The following CTDP1 variants were observed in gnomAD, a reference collection of about 807,000 sequenced individuals.
CTDP1 encodes the protein RNA polymerase II subunit A C-terminal domain phosphatase.
Under a neutral mutation model 91.8 loss-of-function variants are expected in CTDP1, and 47 were observed. The ratio of observed to expected loss-of-function variants is 0.51; its 90% CI spans 0.41 to 0.65. The LOEUF is 0.65. CTDP1 is among the 30% of genes least tolerant of loss of function. The pLI is 0.00. For synonymous variants in CTDP1, 656 were observed against 598.5 expected, an observed-to-expected ratio of 1.10 and a Z score of -1.40; for missense variants, 1,272 against 1,373.7, an observed-to-expected ratio of 0.93 and a Z score of 1.17.
intron 1 of CTDP1, among the ~76,000 whole-genome samples, chr18:79,684,232 T>C (rs1380500305): frequency 6.6e-6 from 1 of 152,232 alleles, no homozygotes; most frequent in Non-Finnish European, 1.5e-5. Context: ...GCAGCCAGCA[T>C]GCTCACAGTG....
At chr18:79,679,687 G>A (rs968451211), upstream of CTDP1, 2 of 531,460 alleles carry the variant, frequency 3.8e-6, no homozygotes, top group South Asian at 1.6e-5. Context: ...CTTCACGGCC[G>A]GCACGCAGGG....
chr18:79,690,231 G>A (rs769607103), intron 1 of CTDP1, among the ~76,000 whole-genome samples: 5 of 152,194 alleles, frequency 3.3e-5, no homozygotes, highest in Admixed American at 2.0e-4. Context: ...GGCCCAGCCC[G>A]TAGCCCTCTC....
rs935879942 is a variant in CTDP1 at position 79,714,472 on chromosome 18, C to T, written c.1031-19C>T. On this transcript the variant is annotated intron_variant, in intron 7 of 12. Transcript: ENST00000613122. The stretch of plus-strand genomic sequence containing the variant: ...TAATGCTAAATTGCGGTAACTTTTC[C>T]TTTTGCATGCATATTTAGTAAATCA... The T allele has an allele frequency of 1.2e-6, 2 of 1,612,620 alleles. No homozygotes were observed. Among genetic ancestry groups the T allele is most frequent in the Non-Finnish European group, 1.7e-6 (2 of 1,179,596 alleles).
Position 79,736,520 on chromosome 18 carries a change from A to T in CTDP1, c.2746A>T (p.Arg916Ter). Residue 916 changes from arginine to a stop codon, truncating the protein, a stop_gained and splice_region_variant, in exon 12 of 13, where the codon AGA becomes TGA. Coordinates refer to ENST00000613122, the MANE Select transcript of CTDP1 (RefSeq NM_004715.5). LOFTEE classifies it high-confidence loss of function. The part of the protein sequence containing the change: ...ERSAAGGRGP[R>*]GHKRKLNEED... ...GAGCGCGGCAGGGGGCCGGGGGCCC[A>T]GGTGAGTGCGGGGTCTGAGGTGGGA... 2.6e-6 allele frequency: 4 copies of T among 1,542,636 alleles called. No homozygotes were observed. Among genetic ancestry groups the T allele is most frequent in the Non-Finnish European group, 3.5e-6 (4 of 1,143,008 alleles).
intron 12 of CTDP1, among the ~76,000 whole-genome samples, chr18:79,747,574 C>T (rs1399341765): frequency 2.0e-5 from 3 of 152,212 alleles, no homozygotes; most frequent in East Asian, 1.9e-4. Flanking sequence ...TCCAGGTCCC[C>T]GCGGAGCCCC....
chr18:79,697,687 G>A (rs546296569), intron 3 of CTDP1, among the ~76,000 whole-genome samples, 173 bp from the exon 4 acceptor site: 2 of 152,294 alleles, frequency 1.3e-5, no homozygotes, highest in East Asian at 3.9e-4. Flanking sequence ...CGAGGTTGCC[G>A]TGACCAGGTT....
At chr18:79,734,906 G>A (rs2086635906) in intron 11 of CTDP1, among the ~76,000 whole-genome samples, 2 of 152,202 alleles carry the variant, frequency 1.3e-5, no homozygotes, top group Admixed American at 1.3e-4. Context: ...TACTTTTAGA[G>A]ATCATTATAA....
At chr18:79,689,326 A>G (rs1043978069) in intron 1 of CTDP1, among the ~76,000 whole-genome samples, 1 of 152,214 alleles carries the variant, frequency 6.6e-6, no homozygotes, top group African/African-American at 2.4e-5. Context: ...GTATCTTGAA[A>G]GAGATACTTT....
chr18:79,722,343 A>G (rs539144220), intron 10 of CTDP1, among the ~76,000 whole-genome samples: 1 of 152,166 alleles, frequency 6.6e-6, no homozygotes, highest in Non-Finnish European at 1.5e-5. Flanking sequence ...GTCATAAACA[A>G]CTGTTTAGCT....
intron 12 of CTDP1, among the ~76,000 whole-genome samples, chr18:79,745,262 T>TGCGTCCCTCCCGTGCGCGTTCTGTCCCC (rs2086858733): frequency 9.9e-6 from 1 of 101,216 alleles, no homozygotes; most frequent in African/African-American, 3.9e-5. Context: ...GTTCTGTCCC[T>TGCGTCCCTCCCGTGCGCGTTCTGTCCCC]GCGTCCCTCC....
In CTDP1 at chr18:79,713,006, A is replaced by G. The variant is rs1326041935; in HGVS notation, c.898A>G (p.Ile300Val). Residue 300 changes from isoleucine to valine, a missense_variant, in exon 7 of 13, where the codon ATT (isoleucine) becomes GTT (valine). Around this residue, in one of 3 missense-constraint regions of CTDP1, gnomAD observed 177 missense variants for 283.0 expected, o/e 0.63. Coordinates refer to ENST00000613122, the MANE Select transcript of CTDP1 (RefSeq NM_004715.5). The surrounding 1 kb of genome is among the most constrained non-coding windows in gnomAD (Gnocchi z 4.7). Reference protein sequence around the residue: ...LFPCGDSMVCIIDDREDVWKF... With the variant: ...LFPCGDSMVCVIDDREDVWKF... ...TCCTTGTGGAGACTCAATGGTTTGC[A>G]TTATTGATGATCGAGAAGATGTCTG... 4 of 1,614,032 alleles carry G rather than the reference A, an allele frequency of 2.5e-6. No individual in the cohort carries two copies. The African/African-American group carries it at 5.3e-5, about 22-fold the overall frequency.
intron 10 of CTDP1, among the ~76,000 whole-genome samples, chr18:79,720,938 A>G (rs2086332526): frequency 6.6e-6 from 1 of 152,176 alleles, no homozygotes. Context: ...ATCGGCTCAC[A>G]AAATTCTGGA....
intron 10 of CTDP1, among the ~76,000 whole-genome samples, chr18:79,726,150 G>A (rs1423817838): frequency 1.3e-5 from 2 of 152,166 alleles, no homozygotes; most frequent in Admixed American, 1.3e-4. Context: ...TTTGTATCTC[G>A]TGCATCTCTA....
intron 11 of CTDP1, among the ~76,000 whole-genome samples, chr18:79,731,658 G>A (rs917872444): frequency 3.9e-5 from 6 of 152,232 alleles, no homozygotes; most frequent in African/African-American, 1.2e-4. Flanking sequence ...TAAGCAGAGC[G>A]AGGCATGGCG....
intron 4 of CTDP1, among the ~76,000 whole-genome samples, chr18:79,701,307 A>G (rs552688681): frequency 3.3e-5 from 5 of 152,060 alleles, no homozygotes; most frequent in Non-Finnish European, 4.4e-5. Flanking sequence ...TCAGGAGATC[A>G]AGACCATCCT....
At chr18:79,685,106 T>TCTCTACTCCCGGTTTCTCTGCG (rs1294115391) in intron 1 of CTDP1, among the ~76,000 whole-genome samples, 2 of 152,220 alleles carry the variant, frequency 1.3e-5, no homozygotes, top group Non-Finnish European at 2.9e-5. Context: ...TGCCTCGTGG[T>TCTCTACTCCCGGTTTCTCTGCG]GTGCTCAGGC....
chr18:79,741,066 C>T (rs558914935), intron 12 of CTDP1, among the ~76,000 whole-genome samples: 27 of 146,972 alleles, frequency 1.8e-4, no homozygotes, highest in Admixed American at 9.5e-4. Context: ...GTCCCCCGTA[C>T]GGTTGATCTG....
intron 12 of CTDP1, among the ~76,000 whole-genome samples, chr18:79,748,543 T>G (rs2086926297): frequency 6.6e-6 from 1 of 152,230 alleles, no homozygotes; most frequent in Admixed American, 6.5e-5. Flanking sequence ...TTTCTCAGCA[T>G]TCTTACCAGC....
downstream of CTDP1, chr18:79,756,270 G>C (rs1366072334): frequency 2.0e-5 from 3 of 152,368 alleles, no homozygotes; most frequent in Non-Finnish European, 4.4e-5. Context: ...GGGACTCCAA[G>C]AGCCCCATCC....
Sources: allele counts gnomAD v4.1 joint callset (sites outside exome capture counted in the v4.1 genomes callset), GRCh38; gene constraint gnomAD v4.1.1; regional missense constraint gnomAD v4.1.1; non-coding constraint Gnocchi (gnomAD v3.1); transcripts MANE v1.5; gene names NCBI Gene and HGNC (gene_info 2026-07-23, HGNC 2026-07-21).